The following ERBB4 variants were observed in gnomAD, a reference collection of about 807,000 sequenced individuals.
ERBB4 encodes the protein receptor tyrosine-protein kinase erbB-4.
Under a neutral mutation model 158.0 loss-of-function variants are expected in ERBB4, and 42 were observed. That is an observed-to-expected ratio of 0.27 (90% CI 0.21 to 0.34). The LOEUF is 0.34. Among genes scored for constraint, ERBB4 ranks in the 10% least tolerant of loss-of-function variants. The pLI is 1.00. For missense variants in ERBB4, 1,333 were observed against 1,624.1 expected, an observed-to-expected ratio of 0.82 and a Z score of 3.08; for synonymous variants, 583 against 558.7, an observed-to-expected ratio of 1.04 and a Z score of -0.61.
intron 2 of ERBB4, among the ~76,000 whole-genome samples, chr2:212,119,229 T>C (rs568242852): frequency 5.9e-5 from 9 of 152,260 alleles, no homozygotes; most frequent in African/African-American, 1.4e-4. Context: ...GTTATAGCAA[T>C]GACTGAGGAT....
chr2:212,353,790 T>C (rs1330407748), intron 1 of ERBB4, among the ~76,000 whole-genome samples: 1 of 108,974 alleles, frequency 9.2e-6, no homozygotes. Context: ...ACAGACTAAA[T>C]AAATGTCCCC....
At chr2:212,370,682 C>T (rs2090053214) in intron 1 of ERBB4, among the ~76,000 whole-genome samples, 1 of 151,936 alleles carries the variant, frequency 6.6e-6, no homozygotes. Context: ...TTCTCAAATC[C>T]CAAGTCTTAC....
At chr2:212,374,081 C>CATATATATATATCCATATATATCCATAT (rs1335922748) in intron 1 of ERBB4, among the ~76,000 whole-genome samples, 1 of 108,994 alleles carries the variant, frequency 9.2e-6, no homozygotes, top group African/African-American at 3.5e-5. Context: ...TATATATATC[C>CATATATATATATCCATATATATCCATAT]ATATATATCC....
At chr2:211,422,352 C>A (rs930775289) in intron 23 of ERBB4, among the ~76,000 whole-genome samples, 1 of 151,648 alleles carries the variant, frequency 6.6e-6, no homozygotes. Context: ...TGTGTATAGA[C>A]GTGACTGCAA....
At chr2:212,108,499 A>G (rs1306474239) in intron 2 of ERBB4, among the ~76,000 whole-genome samples, 1 of 152,202 alleles carries the variant, frequency 6.6e-6, no homozygotes, top group East Asian at 1.9e-4. Context: ...CAGTGTGTTC[A>G]GGGGTCATGC....
intron 5 of ERBB4, among the ~76,000 whole-genome samples, chr2:211,742,704 T>G (rs13010892): frequency 0.46 from 69,079 of 151,740 alleles, 16,006 homozygotes; most frequent in Middle Eastern, 0.56. Context: ...TGCTAAATAA[T>G]TTCTAAATTT....
At chr2:211,496,090 C>T (rs985110673) in intron 20 of ERBB4, among the ~76,000 whole-genome samples, 5 of 152,042 alleles carry the variant, frequency 3.3e-5, no homozygotes, top group African/African-American at 9.7e-5. Flanking sequence ...TCCAGTTTTC[C>T]TCCTACCTTT....
rs954778507 is a variant in ERBB4, at chr2:211,717,351, T to C, written c.884-3703A>G. Among the ~76,000 whole-genome samples, 6 of 152,200 alleles carry C rather than the reference T, an allele frequency of 3.9e-5. No individual in the cohort carries two copies. The South Asian group carries it at 1.2e-3, about 31-fold the overall frequency. ...AAGGACTGGTGTGAATATTGAAATATTTAAGATGCAAAATCTTTGCTGTCT... is the reference window on the plus strand; with the variant it reads ...AAGGACTGGTGTGAATATTGAAATACTTAAGATGCAAAATCTTTGCTGTCT... On this transcript the variant is annotated intron_variant, in intron 7 of 27. Coordinates refer to ENST00000342788, the MANE Select transcript of ERBB4 (RefSeq NM_005235.3).
At chr2:211,571,041 CTTTT>C (rs549254649) in intron 19 of ERBB4, among the ~76,000 whole-genome samples, 1 of 109,076 alleles carries the variant, frequency 9.2e-6, no homozygotes, top group Non-Finnish European at 1.7e-5. Context: ...TACTCTTCTT[CTTTT>C]TTTTTTTTTT....
At chr2:211,721,620 C>CATATATATATATATATATATATCT (rs2074096954) in intron 7 of ERBB4, among the ~76,000 whole-genome samples, 1 of 131,904 alleles carries the variant, frequency 7.6e-6, no homozygotes, top group African/African-American at 3.1e-5. Flanking sequence ...TGCTATTAAA[C>CATATATATATATATATATATATCT]ATATATATAT....
At chr2:211,854,268 TTG>T (rs2077794781) in intron 3 of ERBB4, among the ~76,000 whole-genome samples, 1 of 149,720 alleles carries the variant, frequency 6.7e-6, no homozygotes, top group African/African-American at 2.4e-5. Flanking sequence ...AAAATAAACT[TTG>T]TGTTAATTCT....
intron 20 of ERBB4, among the ~76,000 whole-genome samples, chr2:211,497,256 T>C (rs2065492395): frequency 6.6e-6 from 1 of 152,062 alleles, no homozygotes; most frequent in African/African-American, 2.4e-5. Context: ...AAATACAGGT[T>C]TTTAAACCAA....
At chr2:211,793,588 A>G (rs1428803689) in intron 3 of ERBB4, among the ~76,000 whole-genome samples, 1 of 151,954 alleles carries the variant, frequency 6.6e-6, no homozygotes, top group Non-Finnish European at 1.5e-5. Flanking sequence ...AAAGCAATGT[A>G]TCTTTCTCAC....
chr2:212,489,255 A>G (rs1690143646), intron 1 of ERBB4, among the ~76,000 whole-genome samples: 1 of 151,892 alleles, frequency 6.6e-6, no homozygotes, highest in Non-Finnish European at 1.5e-5. Flanking sequence ...GAGATATCGT[A>G]TTACCAACCC....
intron 3 of ERBB4, among the ~76,000 whole-genome samples, chr2:211,843,836 TA>T: frequency 6.6e-6 from 1 of 151,996 alleles, no homozygotes. Flanking sequence ...GTATTACAAG[TA>T]AAAATCTAAG....
At chr2:211,539,836 T>C (rs2066751428) in intron 20 of ERBB4, among the ~76,000 whole-genome samples, 1 of 152,018 alleles carries the variant, frequency 6.6e-6, no homozygotes, top group Non-Finnish European at 1.5e-5. Flanking sequence ...AATGGAACCA[T>C]TCTTTCTTAT....
chr2:212,500,598 A>G (rs1690834612), intron 1 of ERBB4, among the ~76,000 whole-genome samples: 1 of 152,152 alleles, frequency 6.6e-6, no homozygotes. Flanking sequence ...GGAAAGGGCA[A>G]TAACTTTTGT....
chr2:212,398,280 ATTC>A (rs2091090174), intron 1 of ERBB4, among the ~76,000 whole-genome samples: 2 of 152,014 alleles, frequency 1.3e-5, no homozygotes, highest in African/African-American at 4.8e-5. Context: ...TCTTCTCTTT[ATTC>A]TTTTCTCTGG....
chr2:212,301,771 C>T (rs1202259819), intron 1 of ERBB4, among the ~76,000 whole-genome samples: 1 of 151,072 alleles, frequency 6.6e-6, no homozygotes, highest in South Asian at 2.1e-4. Context: ...CATCATAATT[C>T]TCTGCTTCTT....
Sources: allele counts gnomAD v4.1 joint callset (sites outside exome capture counted in the v4.1 genomes callset), GRCh38; gene constraint gnomAD v4.1.1; transcripts MANE v1.5; gene names NCBI Gene and HGNC (gene_info 2026-07-23, HGNC 2026-07-21).